The following PRKAG2 variants were observed in gnomAD, a reference collection of about 807,000 sequenced individuals.
PRKAG2 encodes the protein 5'-AMP-activated protein kinase subunit gamma-2.
Under a neutral mutation model 69.6 loss-of-function variants are expected in PRKAG2, and 26 were observed. The observed-to-expected ratio is 0.37, with a 90% CI of 0.27 to 0.52. PRKAG2 has a LOEUF of 0.52. Ranked by LOEUF, PRKAG2 falls within the 20% of genes least tolerant of loss-of-function variation. The pLI, the probability that PRKAG2 is intolerant of heterozygous loss-of-function variation, is 0.90. For missense variants in PRKAG2, 557 were observed against 740.0 expected (o/e 0.75, Z 2.87); for synonymous variants, 293 against 285.0 (o/e 1.03, Z -0.28).
intron 2 of PRKAG2, among the ~76,000 whole-genome samples, chr7:151,784,954 G>C (rs2076928115): frequency 6.6e-6 from 1 of 152,258 alleles, no homozygotes; most frequent in Admixed American, 6.5e-5. Flanking sequence ...GGAGGGACAG[G>C]CCTGCTGGGG....
chr7:151,615,761 A>G (rs1407431021), intron 5 of PRKAG2, among the ~76,000 whole-genome samples: 1 of 152,256 alleles, frequency 6.6e-6, no homozygotes, highest in African/African-American at 2.4e-5. Flanking sequence ...AAAGGACATG[A>G]ATGGACATTT....
At chr7:151,865,815 T>A (rs188311214) in intron 1 of PRKAG2, among the ~76,000 whole-genome samples, 2 of 152,034 alleles carry the variant, frequency 1.3e-5, no homozygotes, top group African/African-American at 2.4e-5. Context: ...GTCAGGAGAT[T>A]GAGACCATCC....
At chr7:151,620,693 T>C (rs1821282249) in intron 5 of PRKAG2, among the ~76,000 whole-genome samples, 1 of 152,206 alleles carries the variant, frequency 6.6e-6, no homozygotes, top group Admixed American at 6.5e-5. Flanking sequence ...TTGTCCAGGC[T>C]GGTCTTGAAC....
chr7:151,777,512 C>T lies in PRKAG2; in HGVS notation c.466+3640G>A, dbSNP rs114890143. 8.4e-3 allele frequency among the ~76,000 whole-genome samples: 1,282 copies of T among 152,274 alleles called. 23 individuals carry two copies. The highest frequency in any genetic ancestry group is 0.029 in the African/African-American group (1,219 of 41,546). On this transcript the variant is annotated intron_variant, in intron 3 of 15. Transcript: ENST00000287878. The surrounding 1 kb of genome is among the most constrained non-coding windows in gnomAD (Gnocchi z 4.3). Reference sequence around the variant, plus strand: ...TCTTAGCTGGGTGCTTTAAAGACTCCAGTACCTCCCCCCTCTCTCTTGCTC... The same window carrying T: ...TCTTAGCTGGGTGCTTTAAAGACTCTAGTACCTCCCCCCTCTCTCTTGCTC...
intron 3 of PRKAG2, among the ~76,000 whole-genome samples, chr7:151,729,503 T>C (rs1014624636): frequency 1.3e-5 from 2 of 152,026 alleles, no homozygotes; most frequent in Non-Finnish European, 2.9e-5. Flanking sequence ...CTCTTAATAG[T>C]GGGCTCAGCC....
chr7:151,800,185 G>A (rs11766272), intron 1 of PRKAG2, among the ~76,000 whole-genome samples: 24,396 of 151,606 alleles, frequency 0.16, 2,191 homozygotes, highest in East Asian at 0.29. Flanking sequence ...GTGAAACCCT[G>A]TCTCTACTAA....
chr7:151,731,613 A>C (rs1798952745), intron 3 of PRKAG2, among the ~76,000 whole-genome samples: 1 of 152,138 alleles, frequency 6.6e-6, no homozygotes. Flanking sequence ...CCAGATAAAC[A>C]GTGTGCACCT....
chr7:151,628,485 G>A (rs745754600), intron 5 of PRKAG2, among the ~76,000 whole-genome samples: 8 of 152,164 alleles, frequency 5.3e-5, no homozygotes, highest in East Asian at 1.9e-4. Context: ...GACTGCAGCC[G>A]GCAGATCACT....
Position 151,756,575 on chromosome 7 carries a change from G to A in PRKAG2, c.466+24577C>T, listed in dbSNP as rs2151748414. On this transcript the variant is annotated intron_variant, in intron 3 of 15. Transcript: ENST00000287878. This position sits in a 1 kb window ranked among gnomAD's most constrained non-coding sequence, Gnocchi z 4.9. ...CATGTGTCCAGGCTCCCGCTGGGCA[G>A]GAGACAGGGAGACACCTTGGGCAAC... is the stretch of plus-strand genomic sequence containing the variant. Among the ~76,000 whole-genome samples, 1 of 152,332 alleles carries A rather than the reference G, an allele frequency of 6.6e-6. No individual in the cohort carries two copies. Among genetic ancestry groups the A allele is most frequent in the South Asian group, 2.1e-4 (1 of 4,832 alleles).
intron 6 of PRKAG2, among the ~76,000 whole-genome samples, chr7:151,586,459 C>A (rs940496666): frequency 6.6e-6 from 1 of 152,112 alleles, no homozygotes; most frequent in Non-Finnish European, 1.5e-5. Context: ...CTCTGGCCTC[C>A]GAAATCAGAC....
intron 3 of PRKAG2, among the ~76,000 whole-genome samples, chr7:151,757,574 C>T (rs1239115897): frequency 2.0e-5 from 3 of 152,206 alleles, no homozygotes; most frequent in Non-Finnish European, 4.4e-5. Context: ...TAATTGTGAG[C>T]TAGTCTTGGA....
intron 14 of PRKAG2, among the ~76,000 whole-genome samples, chr7:151,562,505 C>T (rs978751761): frequency 9.2e-5 from 14 of 151,858 alleles, no homozygotes; most frequent in South Asian, 2.1e-4. Flanking sequence ...TCATCTTTCC[C>T]GTGGCAGTCA....
At chr7:151,634,163 T>C (rs1049988901) in intron 4 of PRKAG2, among the ~76,000 whole-genome samples, 1 of 152,166 alleles carries the variant, frequency 6.6e-6, no homozygotes, top group Admixed American at 6.5e-5. Flanking sequence ...AGAATGGATA[T>C]AATAATCAAT....
rs1488279584 is a variant in PRKAG2 at position 151,781,943 on chromosome 7, A to G, written c.187-512T>C. Among the ~76,000 whole-genome samples, 1 of 152,086 alleles carries G rather than the reference A, an allele frequency of 6.6e-6. No homozygotes were observed. The highest frequency in any genetic ancestry group is 1.5e-5 in the Non-Finnish European group (1 of 68,014). On this transcript the variant is annotated intron_variant, in intron 2 of 15. Transcript: ENST00000287878. The surrounding 1 kb of genome is among the most constrained non-coding windows in gnomAD (Gnocchi z 6.1). ...CACCTCCAAGCTGCTTCAGCATTTG[A>G]AAGACTGAGGTTGCCAACAGAAGTC...
chr7:151,648,027 A>G (rs1487844868), intron 4 of PRKAG2, among the ~76,000 whole-genome samples: 1 of 152,146 alleles, frequency 6.6e-6, no homozygotes, highest in Non-Finnish European at 1.5e-5. Context: ...GAATGCTGCA[A>G]TCAATCTGTT....
At chr7:151,689,054 A>G (rs573859029) in intron 3 of PRKAG2, among the ~76,000 whole-genome samples, 1 of 152,360 alleles carries the variant, frequency 6.6e-6, no homozygotes, top group South Asian at 2.1e-4. Context: ...AATCAGTGTG[A>G]TAACCAAATC....
At chr7:151,763,059 C>T (rs1266594327) in intron 3 of PRKAG2, among the ~76,000 whole-genome samples, 1 of 152,240 alleles carries the variant, frequency 6.6e-6, no homozygotes, top group Non-Finnish European at 1.5e-5. Flanking sequence ...CCTCCCCTCT[C>T]AGCCTGCACG....
At position 151,814,746 on chromosome 7, in the gene PRKAG2, C is replaced by T. The variant is rs892460194; in HGVS notation, c.115-28205G>A. On this transcript the variant is annotated intron_variant, in intron 1 of 15. Coordinates refer to ENST00000287878, the MANE Select transcript of PRKAG2 (RefSeq NM_016203.4). The surrounding 1 kb of genome is among the most constrained non-coding windows in gnomAD (Gnocchi z 4.8). ...GGCTGGCCTAAGACAGCGCAGGCAA[C>T]GGTCTTGGTGGCTGGAGCTGCTTTG... 13 of 1,201,960 alleles carry T rather than the reference C, an allele frequency of 1.1e-5. No individual in the cohort carries two copies. Among genetic ancestry groups the T allele is most frequent in the Admixed American group, 4.2e-5 (1 of 23,532 alleles). The allele number at this position is 1,201,960 out of a possible 1,614,324, so 74.5% of individuals were successfully genotyped here. A position where few individuals can be genotyped will look rare whatever the true frequency, so the allele number is the denominator to read the frequency against.
intron 1 of PRKAG2, among the ~76,000 whole-genome samples, chr7:151,820,175 G>A (rs991888874): frequency 1.3e-5 from 2 of 152,380 alleles, no homozygotes; most frequent in African/African-American, 4.8e-5. Flanking sequence ...GGAAGGACTC[G>A]CTATTCACGC....
Sources: gnomAD v4.1 joint callset for allele counts (sites outside exome capture counted in the v4.1 genomes callset) on GRCh38, gnomAD v4.1.1 for gene constraint, Gnocchi (gnomAD v3.1) non-coding constraint, MANE v1.5 for transcripts, NCBI Gene and HGNC (gene_info 2026-07-23, HGNC 2026-07-21) for gene names.